Variants in WWOX observed in about 807,000 individuals in gnomAD.
The protein encoded by WWOX is WW domain containing oxidoreductase, also known as WW domain-containing oxidoreductase.
In WWOX, 69 loss-of-function variants were observed where a neutral mutation model predicts 46.2. That is an observed-to-expected ratio of 1.49 (90% CI 1.23 to 1.82). The LOEUF (loss-of-function observed/expected upper bound fraction) is 1.82, where lower values mean the gene tolerates loss of function less well. Ranked by LOEUF, WWOX falls within the 40% of genes most tolerant of loss-of-function variation. WWOX has a pLI of 0.00. For synonymous variants in WWOX, 359 were observed against 202.6 expected (o/e 1.77, Z -6.56); for missense variants, 919 against 542.6 (o/e 1.69, Z -6.89).
chr16:78,777,176 A>G (rs766784246), intron 8 of WWOX, among the ~76,000 whole-genome samples: 2 of 55,702 alleles, frequency 3.6e-5, no homozygotes, highest in Non-Finnish European at 9.5e-5. Flanking sequence ...CAATGGCTGT[A>G]TTTCAATGGC....
chr16:79,043,190 G>T (rs1036456809), intron 8 of WWOX, among the ~76,000 whole-genome samples: 10 of 151,548 alleles, frequency 6.6e-5, no homozygotes, highest in Non-Finnish European at 1.0e-4. Context: ...CCACATGAGT[G>T]TTTTTTTAAA....
At chr16:78,659,740 A>G (rs1341096895) in intron 8 of WWOX, among the ~76,000 whole-genome samples, 1 of 152,200 alleles carries the variant, frequency 6.6e-6, no homozygotes, top group Admixed American at 6.5e-5. Flanking sequence ...CAATGTTCAT[A>G]TATTTGCCCA....
At chr16:78,485,744 G>A (rs192192225) in intron 8 of WWOX, among the ~76,000 whole-genome samples, 3 of 152,272 alleles carry the variant, frequency 2.0e-5, no homozygotes, top group East Asian at 1.9e-4. Flanking sequence ...ACAGATTGCC[G>A]CGGAGCCGCT....
intron 8 of WWOX, among the ~76,000 whole-genome samples, chr16:79,003,423 A>T (rs560413067): frequency 6.6e-6 from 1 of 152,120 alleles, no homozygotes. Flanking sequence ...CCGCTTATCT[A>T]TTGCTGAGTA....
chr16:78,206,288 A>G (rs2036393446), intron 5 of WWOX, among the ~76,000 whole-genome samples: 1 of 152,176 alleles, frequency 6.6e-6, no homozygotes, highest in Admixed American at 6.5e-5. Flanking sequence ...TCATTGAAAT[A>G]TACTTTATTT....
At position 78,115,133 on chromosome 16, in the gene WWOX, A is replaced by G; in HGVS notation, c.388A>G (p.Thr130Ala). The G allele has an allele frequency of 6.2e-7, 1 of 1,614,242 alleles. No homozygotes were observed. Residue 130 changes from threonine to alanine, a missense_variant, in exon 4 of 9, where the codon ACT (threonine) becomes GCT (alanine). Transcript: ENST00000566780. ...TTTCACTGGCAAAGTGGTTGTGGTCACTGGAGCTAATTCAGGAATAGGTAG... is the reference window on the plus strand; with the variant it reads ...TTTCACTGGCAAAGTGGTTGTGGTCGCTGGAGCTAATTCAGGAATAGGTAG... The part of the protein sequence containing the change: ...RDFTGKVVVV[T>A]GANSGIGFET...
chr16:78,417,290 G>C (rs912876847), intron 6 of WWOX, among the ~76,000 whole-genome samples: 1 of 151,856 alleles, frequency 6.6e-6, no homozygotes, highest in African/African-American at 2.4e-5. Context: ...ATGAGGTCTT[G>C]CTATGTTGTC....
intron 8 of WWOX, among the ~76,000 whole-genome samples, chr16:79,070,961 A>G (rs751483860): frequency 2.6e-5 from 4 of 152,116 alleles, no homozygotes; most frequent in East Asian, 1.9e-4. Flanking sequence ...GTTTCTTACT[A>G]TGTCCCTCCC....
intron 8 of WWOX, among the ~76,000 whole-genome samples, chr16:78,930,262 C>A (rs2045592718): frequency 7.9e-6 from 1 of 126,752 alleles, no homozygotes; most frequent in South Asian, 2.6e-4. Flanking sequence ...TTCCTTCCTT[C>A]CTTCCTTTCT....
intron 8 of WWOX, among the ~76,000 whole-genome samples, chr16:78,959,686 A>G (rs1316032420): frequency 6.6e-6 from 1 of 152,160 alleles, no homozygotes; most frequent in Non-Finnish European, 1.5e-5. Context: ...GCAGGCTCAG[A>G]CACTGATGAG....
chr16:78,288,267 C>CTTTTTTT (rs201333228), intron 5 of WWOX, among the ~76,000 whole-genome samples: 1,432 of 124,350 alleles, frequency 0.012, 37 homozygotes, highest in South Asian at 0.049. Flanking sequence ...TATGAGTTTA[C>CTTTTTTT]TTTTTTTTTT....
chr16:79,156,775 G>A (rs1235024797), intron 8 of WWOX, among the ~76,000 whole-genome samples: 1 of 144,744 alleles, frequency 6.9e-6, no homozygotes, highest in African/African-American at 2.7e-5. Flanking sequence ...GATGTATGAT[G>A]TATGCATAAT....
intron 8 of WWOX, among the ~76,000 whole-genome samples, chr16:78,848,670 C>G (rs1312112447): frequency 3.3e-5 from 5 of 152,144 alleles, no homozygotes; most frequent in South Asian, 2.1e-4. Flanking sequence ...AGGGCTGACC[C>G]TGAAGCAGAA....
intron 8 of WWOX, among the ~76,000 whole-genome samples, chr16:79,192,298 GTGAT>G (rs1013948219): frequency 2.8e-5 from 4 of 140,770 alleles, no homozygotes; most frequent in Non-Finnish European, 6.0e-5. Context: ...TATTTTCGCA[GTGAT>G]TCATTCATTC....
chr16:78,889,459 G>A (rs2044540859), intron 8 of WWOX, among the ~76,000 whole-genome samples: 1 of 150,554 alleles, frequency 6.6e-6, no homozygotes, highest in Non-Finnish European at 1.5e-5. Context: ...GTCTCAGAGT[G>A]ATCATTCTTG....
chr16:78,561,545 C>A (rs750723914), intron 8 of WWOX, among the ~76,000 whole-genome samples: 2 of 151,584 alleles, frequency 1.3e-5, no homozygotes, highest in Non-Finnish European at 2.9e-5. Context: ...ACCGGGAATC[C>A]GGGAGGCCAA....
chr16:78,795,568 C>A (rs1435597646), intron 8 of WWOX, among the ~76,000 whole-genome samples: 1 of 152,222 alleles, frequency 6.6e-6, no homozygotes, highest in African/African-American at 2.4e-5. Flanking sequence ...GGTATAATTT[C>A]TCACACAGAT....
intron 5 of WWOX, among the ~76,000 whole-genome samples, chr16:78,375,679 A>ATC (rs2081803576): frequency 6.6e-6 from 1 of 152,190 alleles, no homozygotes; most frequent in African/African-American, 2.4e-5. Context: ...AAATGTGGGT[A>ATC]TCTCTTGACC....
intron 8 of WWOX, among the ~76,000 whole-genome samples, chr16:78,588,130 AG>A (rs138410604): frequency 0.07 from 10,581 of 152,028 alleles, 724 homozygotes; most frequent in African/African-American, 0.18. Context: ...AGGTGCAGAG[AG>A]GGGGTTAGTA....
Sources: allele counts gnomAD v4.1 joint callset (sites outside exome capture counted in the v4.1 genomes callset), GRCh38; gene constraint gnomAD v4.1.1; transcripts MANE v1.5; gene names NCBI Gene and HGNC (gene_info 2026-07-23, HGNC 2026-07-21).